MVD: variants seen among roughly 807,000 people sequenced by gnomAD.
MVD encodes the protein diphosphomevalonate decarboxylase.
A neutral mutation model predicts 42.4 loss-of-function variants in MVD; 52 were observed. The ratio of observed to expected loss-of-function variants is 1.23; its 90% confidence interval spans 0.98 to 1.55. MVD has a LOEUF of 1.55. Ranked by LOEUF, MVD falls within the 40% of genes most tolerant of loss-of-function variation. The pLI, the probability that MVD is intolerant of heterozygous loss-of-function variation, is 0.00. For synonymous variants in MVD, 287 were observed against 243.2 expected (o/e 1.18, Z -1.68); for missense variants, 663 against 572.1 (o/e 1.16, Z -1.62).
At chr16:88,662,661 C>G (rs532239808) in intron 1 of MVD, 1 of 1,280,466 alleles carries the variant, frequency 7.8e-7, no homozygotes, top group African/African-American at 1.6e-5. Flanking sequence ...CCCGCCTCAG[C>G]CTCCCGAGTA....
At chr16:88,658,535 ACT>A (rs1908085454) in intron 2 of MVD, 113 bp downstream of exon 2, 1 of 1,011,562 alleles carries the variant, frequency 9.9e-7, no homozygotes, top group Admixed American at 2.0e-5. Flanking sequence ...GGCTCAAGAG[ACT>A]CTCCCCAAGT....
intron 9 of MVD, 78 bp from the exon 10 acceptor site, chr16:88,652,683 C>A: frequency 7.2e-7 from 1 of 1,383,570 alleles, no homozygotes; most frequent in Non-Finnish European, 1.0e-6. Flanking sequence ...GGGCCGGACA[C>A]AGGAGGGTAG....
intron 2 of MVD, 133 bp from the exon 3 acceptor site, chr16:88,658,162 A>G: frequency 1.2e-6 from 1 of 850,594 alleles, no homozygotes; most frequent in Non-Finnish European, 1.9e-6. Flanking sequence ...CAGGGGGGGA[A>G]AGGCCAGTCT....
At chr16:88,658,897 C>T in intron 1 of MVD, 177 bp from the exon 2 acceptor site, 1 of 611,916 alleles carries the variant, frequency 1.6e-6, no homozygotes, top group East Asian at 2.9e-5. Context: ...ACTGCTCCCA[C>T]CCCACTGAGC....
rs762518359 is a variant in MVD at position 88,657,557 on chromosome 16, C to T, written c.282G>A (p.Arg94=). 1.3e-5 allele frequency: 21 copies of T among 1,612,704 alleles called. No homozygotes were observed. Among genetic ancestry groups the T allele is most frequent in the Non-Finnish European group, 1.7e-5 (20 of 1,179,836 alleles). Residue 94 remains arginine, a synonymous_variant, in exon 4 of 10, where the codon AGG becomes AGA. Coordinates refer to ENST00000301012, the MANE Select transcript of MVD (RefSeq NM_002461.3). ...GCAGCGGGTCCCCATCCCGTGAGTT[C>T]CTCCGCTTCCGGGCCAGGCAGCGGA... The part of the protein sequence containing the change: ...REIRCLARKR[R]NSRDGDPLPS...
At chr16:88,658,236 G>C (rs1908066507) in intron 2 of MVD, among the ~76,000 whole-genome samples, 1 of 152,156 alleles carries the variant, frequency 6.6e-6, no homozygotes, top group Admixed American at 6.5e-5. Flanking sequence ...GGAGCAACCA[G>C]GCCTTATCCT....
chr16:88,660,097 T>C (rs1028353461), intron 1 of MVD, among the ~76,000 whole-genome samples: 12 of 151,918 alleles, frequency 7.9e-5, no homozygotes, highest in South Asian at 2.1e-4. Context: ...CCAGGAGTCA[T>C]TGGAGAGCAC....
intron 7 of MVD, 124 bp downstream of exon 7, chr16:88,655,075 G>A: frequency 1.7e-6 from 2 of 1,203,902 alleles, no homozygotes; most frequent in Non-Finnish European, 1.2e-6. Flanking sequence ...TTCGCACACA[G>A]CAGGGTGGAG....
intron 7 of MVD, 128 bp from the exon 8 acceptor site, chr16:88,654,935 G>T: frequency 1.0e-6 from 1 of 981,534 alleles, no homozygotes; most frequent in Non-Finnish European, 1.5e-6. Flanking sequence ...CCACACTGGA[G>T]TGGAGCTGTG....
chr16:88,661,832 G>A lies in MVD; in HGVS notation c.70+1179C>T, dbSNP rs1448745821. On this transcript the variant is annotated intron_variant, in intron 1 of 9. Coordinates refer to ENST00000301012, the MANE Select transcript of MVD (RefSeq NM_002461.3). ...GCCCAGCCACTCTGAAAAACAATTA[G>A]ACAGTTTCTTTAAAAAAAAAAAGTA... Among the ~76,000 whole-genome samples, 5 of 125,478 alleles carry A rather than the reference G, an allele frequency of 4.0e-5. No homozygotes were observed. In the South Asian group the frequency reaches 1.3e-3, roughly 34 times the overall value. 82.3% of individuals were successfully genotyped at this position (125,478 alleles called of 152,430 possible). A position where few individuals can be genotyped will look rare whatever the true frequency, so the allele number is the denominator to read the frequency against.
Position 88,655,634 on chromosome 16 carries a change from G to GACC in MVD, c.678+19_678+21dup, listed in dbSNP as rs1023840359. On this transcript the variant is annotated intron_variant, in intron 6 of 9. Transcript: ENST00000301012. Reference sequence around the variant, plus strand: ...ACAAGCGTGACTCCCAGGGCCCCGGGACCACCCGCTCCTGGCCTTACCCGA... The same window carrying GACC: ...ACAAGCGTGACTCCCAGGGCCCCGGGACCACCACCCGCTCCTGGCCTTACCCGA... 4 of 1,548,198 alleles carry GACC rather than the reference G, an allele frequency of 2.6e-6. No individual in the cohort carries two copies. The African/African-American group carries it at 5.5e-5, about 21-fold the overall frequency.
chr16:88,656,146 G>T lies in MVD; in HGVS notation c.562C>A (p.Pro188Thr). ...GKDSIARQVA[P>T]ESHWPELRVL... ...CGGAGTTCAGGCCAGTGTGACTCGG[G>T]GGCCACTTGCCGAGCGATGCTGTCC... The change falls in exon 5 of 10, where the codon CCC becomes ACC. Residue 188 changes from proline to threonine, a missense_variant. Physicochemically the swap from Pro to Thr is conservative, Grantham distance 38. Transcript: ENST00000301012. 1 of 1,602,036 alleles carries T rather than the reference G, an allele frequency of 6.2e-7. No homozygotes were observed. Among genetic ancestry groups the T allele is most frequent in the Non-Finnish European group, 8.5e-7 (1 of 1,179,912 alleles).
chr16:88,658,105 G>C lies in MVD; in HGVS notation c.142-76C>G, dbSNP rs542229683. ...CCAGCCAGGTACCCCTTTCTACTGA[G>C]AGAGCCTCATGGCTGCCCACTCGAG... On this transcript the variant is annotated intron_variant, in intron 2 of 9. Transcript: ENST00000301012. 3.5e-6 allele frequency: 5 copies of C among 1,442,772 alleles called. No individual in the cohort carries two copies. The Admixed American group carries it at 8.5e-5, about 25-fold the overall frequency. 89.4% of individuals were successfully genotyped at this position (1,442,772 alleles called of 1,614,324 possible).
chr16:88,653,787 C>T (rs1237886018), intron 8 of MVD, among the ~76,000 whole-genome samples: 4 of 152,088 alleles, frequency 2.6e-5, no homozygotes, highest in Admixed American at 2.6e-4. Flanking sequence ...CAAGCTGGTG[C>T]GTTCGTCACC....
chr16:88,661,773 C>T (rs575912400), intron 1 of MVD, among the ~76,000 whole-genome samples: 7 of 150,606 alleles, frequency 4.6e-5, no homozygotes, highest in Admixed American at 2.0e-4. Flanking sequence ...GGTGAGGATG[C>T]GGAAAATCTG....
In MVD at chr16:88,652,319, G is replaced by A. The variant is rs972257295; in HGVS notation, c.*206C>T. 6 of 632,630 alleles carry A rather than the reference G, an allele frequency of 9.5e-6. No individual in the cohort carries two copies. The African/African-American group carries it at 1.1e-4, about 11-fold the overall frequency. 39.2% of individuals were successfully genotyped at this position (632,630 alleles called of 1,614,324 possible). A position where few individuals can be genotyped will look rare whatever the true frequency, so the allele number is the denominator to read the frequency against. The stretch of plus-strand genomic sequence containing the variant: ...CTTGGCAAAGCGCTGGTGCAGCTTA[G>A]GGCAGCTGAAGCACTCGGCGGGGAC... On this transcript the variant is annotated 3_prime_UTR_variant, in exon 10 of 10. Coordinates refer to ENST00000301012, the MANE Select transcript of MVD (RefSeq NM_002461.3).
In MVD at chr16:88,656,118, AC is replaced by A; in HGVS notation, c.589del (p.Val197CysfsTer6). The A allele has an allele frequency of 6.2e-7, 1 of 1,600,682 alleles. No individual in the cohort carries two copies. The highest frequency in any genetic ancestry group is 8.5e-7 in the Non-Finnish European group (1 of 1,179,616). The stretch of plus-strand genomic sequence containing the variant: ...CACCCCACTCACCACAAGGATGAGC[AC>A]GCGGAGTTCAGGCCAGTGTGACTCG... ...APESHWPELR[V>X]LILVVSAEKK... On this transcript the variant is annotated frameshift_variant, in exon 5 of 10. Transcript: ENST00000301012.
intron 1 of MVD, 144 bp from the exon 2 acceptor site, chr16:88,658,864 C>T: frequency 1.5e-6 from 1 of 684,452 alleles, no homozygotes. Context: ...GCCCCTCCTC[C>T]TGCCAGACCC....
At chr16:88,653,275 G>A in intron 9 of MVD, 25 bp downstream of exon 9, 1 of 1,575,902 alleles carries the variant, frequency 6.3e-7, no homozygotes, top group Non-Finnish European at 8.6e-7. Context: ...AAACCCCGGG[G>A]TACTGGGTGA....
Sources: allele counts gnomAD v4.1 joint callset (sites outside exome capture counted in the v4.1 genomes callset), GRCh38; gene constraint gnomAD v4.1.1; transcripts MANE v1.5; gene names NCBI Gene and HGNC (gene_info 2026-07-23, HGNC 2026-07-21).